NKAIN3: variants seen among roughly 807,000 people sequenced by gnomAD.
The protein encoded by NKAIN3 is sodium/potassium transporting ATPase interacting 3.
Under a neutral mutation model 30.2 loss-of-function variants are expected in NKAIN3, and 25 were observed. The ratio of observed to expected loss-of-function variants is 0.83; its 90% CI spans 0.60 to 1.16. The LOEUF is 1.16. NKAIN3 is among the 50% of genes most tolerant of loss of function. NKAIN3 has a pLI of 0.00. For missense variants in NKAIN3, 225 were observed against 254.1 expected (o/e 0.89, Z 0.78); for synonymous variants, 91 against 89.6 (o/e 1.02, Z -0.09).
chr8:62,290,868 T>A (rs1813594634), intron 1 of NKAIN3, among the ~76,000 whole-genome samples: 1 of 152,234 alleles, frequency 6.6e-6, no homozygotes, highest in Admixed American at 6.5e-5. Flanking sequence ...CATCTGGTCC[T>A]GGACTTTTTT....
Position 62,345,448 on chromosome 8 carries a change from CACATATGT to C in NKAIN3, c.54+96323_54+96330del, listed in dbSNP as rs1424780727. The stretch of plus-strand genomic sequence containing the variant: ...ATATACACATATATGTATATATACA[CACATATGT>C]ATATATACACATATATACACATATA... On this transcript the variant is annotated intron_variant, in intron 1 of 6. Transcript: ENST00000623646. Among the ~76,000 whole-genome samples, 139 of 111,934 alleles carry C rather than the reference CACATATGT, an allele frequency of 1.2e-3. 1 individual carries two copies. The highest frequency in any genetic ancestry group is 1.7e-3 in the Non-Finnish European group (96 of 55,522). The allele number at this position is 111,934 out of a possible 152,430, so 73.4% of individuals were successfully genotyped here. A position where few individuals can be genotyped will look rare whatever the true frequency, so the allele number is the denominator to read the frequency against.
intron 3 of NKAIN3, among the ~76,000 whole-genome samples, chr8:62,698,948 A>C (rs1405434339): frequency 6.6e-6 from 1 of 152,186 alleles, no homozygotes; most frequent in African/African-American, 2.4e-5. Flanking sequence ...ATTTTTCTAT[A>C]TTAAGAATAA....
intron 3 of NKAIN3, among the ~76,000 whole-genome samples, chr8:62,633,974 C>T (rs1010661863): frequency 5.9e-5 from 9 of 152,182 alleles, no homozygotes; most frequent in African/African-American, 1.9e-4. Context: ...TATCCTTCCT[C>T]TCTCTAAAAC....
At chr8:62,795,507 T>G (rs572644813) in intron 4 of NKAIN3, among the ~76,000 whole-genome samples, 164 of 152,254 alleles carry the variant, frequency 1.1e-3, no homozygotes, top group African/African-American at 3.7e-3. Flanking sequence ...CAAGCAGTCT[T>G]AAGTTTAGAT....
intron 1 of NKAIN3, among the ~76,000 whole-genome samples, chr8:62,485,317 G>C (rs1261139118): frequency 6.6e-6 from 1 of 152,110 alleles, no homozygotes; most frequent in Non-Finnish European, 1.5e-5. Context: ...CGTGGTCTCT[G>C]TATATGTAAT....
At chr8:62,337,096 C>T (rs987510236) in intron 1 of NKAIN3, among the ~76,000 whole-genome samples, 2 of 152,030 alleles carry the variant, frequency 1.3e-5, no homozygotes, top group Non-Finnish European at 2.9e-5. Flanking sequence ...GCAAAACAGT[C>T]CACTTTCTCA....
intron 5 of NKAIN3, among the ~76,000 whole-genome samples, chr8:62,923,809 C>A (rs932412348): frequency 2.0e-5 from 3 of 152,188 alleles, no homozygotes; most frequent in Non-Finnish European, 4.4e-5. Context: ...GAAGTTCAGG[C>A]AGCACAGAAC....
intron 3 of NKAIN3, among the ~76,000 whole-genome samples, chr8:62,655,931 T>A (rs1294316720): frequency 6.6e-6 from 1 of 152,064 alleles, no homozygotes; most frequent in Non-Finnish European, 1.5e-5. Context: ...AAATACTTGG[T>A]CCCTAGGAAA....
chr8:62,955,419 T>C (rs1823393784), intron 6 of NKAIN3, among the ~76,000 whole-genome samples: 1 of 152,128 alleles, frequency 6.6e-6, no homozygotes. Flanking sequence ...ATCAAGATGA[T>C]TAGTGCATTG....
intron 1 of NKAIN3, among the ~76,000 whole-genome samples, chr8:62,514,029 G>A (rs1181452617): frequency 2.6e-5 from 4 of 152,026 alleles, no homozygotes; most frequent in Non-Finnish European, 5.9e-5. Flanking sequence ...GCCCCTTGTA[G>A]GGCTCAATGT....
chr8:62,597,669 T>G (rs1226765584), intron 3 of NKAIN3, among the ~76,000 whole-genome samples: 2 of 151,970 alleles, frequency 1.3e-5, no homozygotes, highest in African/African-American at 4.8e-5. Flanking sequence ...TTTTATGATA[T>G]AATACATTTC....
At chr8:62,635,078 G>T (rs7004832) in intron 3 of NKAIN3, among the ~76,000 whole-genome samples, 3,583 of 152,182 alleles carry the variant, frequency 0.024, 153 homozygotes, top group African/African-American at 0.082. Flanking sequence ...GGGCATGAGG[G>T]AGGAAACAAA....
intron 3 of NKAIN3, among the ~76,000 whole-genome samples, chr8:62,645,553 C>T (rs930132025): frequency 4.6e-5 from 7 of 152,124 alleles, no homozygotes; most frequent in Non-Finnish European, 1.0e-4. Context: ...CAAACTACAA[C>T]TTTTAAATCC....
chr8:62,528,875 C>T (rs1234126100), intron 1 of NKAIN3, among the ~76,000 whole-genome samples: 1 of 152,118 alleles, frequency 6.6e-6, no homozygotes, highest in Non-Finnish European at 1.5e-5. Context: ...TGAGTGCCTA[C>T]ACTTTATATC....
At chr8:62,855,257 C>T in intron 4 of NKAIN3, 2 of 453,488 alleles carry the variant, frequency 4.4e-6, no homozygotes, top group Admixed American at 3.5e-5. Context: ...ACAAGGCCTG[C>T]CAGCCTGGCC....
chr8:62,447,886 G>T (rs560865347), intron 1 of NKAIN3, among the ~76,000 whole-genome samples: 1 of 152,042 alleles, frequency 6.6e-6, no homozygotes, highest in African/African-American at 2.4e-5. Context: ...TATCAAGGTA[G>T]GTGGGAAACT....
intron 1 of NKAIN3, among the ~76,000 whole-genome samples, chr8:62,469,520 C>T (rs1244185518): frequency 6.6e-6 from 1 of 152,158 alleles, no homozygotes; most frequent in Non-Finnish European, 1.5e-5. Context: ...AGAGTGCGGA[C>T]ACAGAGAAGA....
intron 1 of NKAIN3, among the ~76,000 whole-genome samples, chr8:62,527,285 A>G (rs1433315645): frequency 6.6e-6 from 1 of 152,170 alleles, no homozygotes; most frequent in Non-Finnish European, 1.5e-5. Flanking sequence ...CAGATTGACC[A>G]TTGCTGTGAG....
At chr8:62,822,288 A>G (rs1023737657) in intron 4 of NKAIN3, among the ~76,000 whole-genome samples, 1 of 152,208 alleles carries the variant, frequency 6.6e-6, no homozygotes, top group Non-Finnish European at 1.5e-5. Context: ...AGGCAGCAAA[A>G]GGAAAATTCT....
Sources: allele counts gnomAD v4.1 joint callset (sites outside exome capture counted in the v4.1 genomes callset), GRCh38; gene constraint gnomAD v4.1.1; transcripts MANE v1.5; gene names NCBI Gene and HGNC (gene_info 2026-07-23, HGNC 2026-07-21).